CTIF: variants seen among roughly 807,000 people sequenced by gnomAD.
The protein encoded by CTIF is CBP80/20-dependent translation initiation factor.
A neutral mutation model predicts 66.0 loss-of-function variants in CTIF; 21 were observed. The ratio of observed to expected loss-of-function variants is 0.32; its 90% CI spans 0.23 to 0.46. CTIF has a LOEUF of 0.46. Among genes scored for constraint, CTIF ranks in the 20% least tolerant of loss-of-function variants. CTIF has a pLI of 1.00. For synonymous variants in CTIF, 345 were observed against 326.4 expected (o/e 1.06, Z -0.62); for missense variants, 739 against 812.7 (o/e 0.91, Z 1.10).
intron 2 of CTIF, among the ~76,000 whole-genome samples, chr18:48,630,844 T>C (rs547834802): frequency 6.6e-6 from 1 of 151,820 alleles, no homozygotes; most frequent in South Asian, 2.1e-4. Context: ...CCTGGCTAAT[T>C]TTTTTGTATT....
At position 48,579,922 on chromosome 18, in the gene CTIF, C is replaced by T. The variant is rs1464617913; in HGVS notation, c.-28-39616C>T. On this transcript the variant is annotated intron_variant, in intron 1 of 11. Transcript: ENST00000256413. ...ACCCTCTTGGAGACCCTCATCCATT[C>T]GTACAAAAAATGTTCACAAGTTAGA... Among the ~76,000 whole-genome samples, 6 of 152,168 alleles carry T rather than the reference C, an allele frequency of 3.9e-5. No homozygotes were observed. In the East Asian group the frequency reaches 9.6e-4, roughly 24 times the overall value.
chr18:48,695,696 C>T (rs1412271083), intron 6 of CTIF, among the ~76,000 whole-genome samples: 2 of 152,236 alleles, frequency 1.3e-5, no homozygotes, highest in Non-Finnish European at 2.9e-5. Flanking sequence ...TCACTCAGTG[C>T]CTGCCTCCAT....
intron 5 of CTIF, among the ~76,000 whole-genome samples, chr18:48,665,648 C>A (rs753864385): frequency 5.9e-5 from 9 of 152,182 alleles, no homozygotes; most frequent in African/African-American, 1.2e-4. Context: ...CCCATCACCA[C>A]CCCCAGTCCC....
chr18:48,719,101 T>A (rs1180728005), intron 7 of CTIF, among the ~76,000 whole-genome samples: 5 of 152,210 alleles, frequency 3.3e-5, no homozygotes, highest in Non-Finnish European at 7.3e-5. Context: ...GACTTCTCAC[T>A]CTCAATACGA....
At chr18:48,837,547 C>A (rs562791007) in intron 10 of CTIF, among the ~76,000 whole-genome samples, 1 of 152,220 alleles carries the variant, frequency 6.6e-6, no homozygotes, top group Non-Finnish European at 1.5e-5. Context: ...CCAGCCCAAA[C>A]TGAACAAAGG....
chr18:48,542,188 G>A (rs987160057), intron 1 of CTIF, among the ~76,000 whole-genome samples: 1 of 152,210 alleles, frequency 6.6e-6, no homozygotes, highest in Admixed American at 6.5e-5. Context: ...TTATTACCAC[G>A]CATTTAATAA....
In CTIF at chr18:48,780,635, C is replaced by T. The variant is rs540946385; in HGVS notation, c.1371+18946C>T. 3.9e-5 allele frequency among the ~76,000 whole-genome samples: 6 copies of T among 152,128 alleles called. No individual in the cohort carries two copies. The South Asian group carries it at 1.0e-3, about 26-fold the overall frequency. On this transcript the variant is annotated intron_variant, in intron 9 of 11. Transcript: ENST00000256413. ...GGTTCTCTGCCTGATAAAGGGGGAT[C>T]CTTTCATGTAGCATGCATCAAGATG... is the stretch of plus-strand genomic sequence containing the variant.
At chr18:48,540,208 G>A (rs1376399376) in intron 1 of CTIF, 1 of 152,314 alleles carries the variant, frequency 6.6e-6, no homozygotes, top group Non-Finnish European at 1.5e-5. Flanking sequence ...GTGCAATCGG[G>A]CCTGGGGAAT....
At chr18:48,728,859 G>A (rs2092411216) in intron 7 of CTIF, among the ~76,000 whole-genome samples, 1 of 152,190 alleles carries the variant, frequency 6.6e-6, no homozygotes, top group South Asian at 2.1e-4. Flanking sequence ...CAGACTAACC[G>A]TGATGTGGCA....
chr18:48,652,380 C>A (rs556120769), intron 3 of CTIF, among the ~76,000 whole-genome samples: 2 of 152,208 alleles, frequency 1.3e-5, no homozygotes, highest in African/African-American at 4.8e-5. Context: ...ACTAGAAAAT[C>A]TAGAAGAAAT....
chr18:48,552,617 G>C (rs2088911693), intron 1 of CTIF, among the ~76,000 whole-genome samples: 1 of 152,132 alleles, frequency 6.6e-6, no homozygotes, highest in Non-Finnish European at 1.5e-5. Context: ...ATGAGGCTCT[G>C]CCCTCATGAC....
intron 3 of CTIF, among the ~76,000 whole-genome samples, chr18:48,639,455 G>C (rs572578027): frequency 1.3e-5 from 2 of 152,198 alleles, no homozygotes; most frequent in African/African-American, 4.8e-5. Flanking sequence ...CTGGAGTTCA[G>C]AAACCTGGGC....
chr18:48,764,165 T>C (rs908256040), intron 9 of CTIF, among the ~76,000 whole-genome samples: 3 of 152,162 alleles, frequency 2.0e-5, no homozygotes, highest in Non-Finnish European at 2.9e-5. Context: ...GGCCCCACTT[T>C]CCAGGAAACA....
chr18:48,664,327 G>A (rs2091397529), intron 4 of CTIF, 120 bp from the exon 5 acceptor site: 1 of 830,276 alleles, frequency 1.2e-6, no homozygotes, highest in African/African-American at 1.7e-5. Flanking sequence ...CTCCCCGCCT[G>A]GCCCCTGGCG....
intron 8 of CTIF, among the ~76,000 whole-genome samples, chr18:48,759,592 A>G (rs1908755430): frequency 6.6e-6 from 1 of 152,158 alleles, no homozygotes; most frequent in South Asian, 2.1e-4. Context: ...CTTTGACTGG[A>G]TGGGTGGTCT....
intron 1 of CTIF, among the ~76,000 whole-genome samples, chr18:48,548,130 T>G (rs1386710189): frequency 6.6e-6 from 1 of 152,176 alleles, no homozygotes; most frequent in Non-Finnish European, 1.5e-5. Context: ...CTAACTGTAG[T>G]TATGACAATT....
At chr18:48,677,914 T>A (rs2091661337) in intron 6 of CTIF, among the ~76,000 whole-genome samples, 1 of 152,210 alleles carries the variant, frequency 6.6e-6, no homozygotes, top group Non-Finnish European at 1.5e-5. Context: ...GCGGGCTGCA[T>A]ATACTATCTC....
Position 48,863,197 on chromosome 18 carries a change from A to ACAAC in CTIF, c.*3640_*3641insACCA, listed in dbSNP as rs970431841. The ACAAC allele has an allele frequency of 6.6e-6, 1 of 150,932 alleles. No homozygotes were observed. Among genetic ancestry groups the ACAAC allele is most frequent in the Non-Finnish European group, 1.5e-5 (1 of 67,598 alleles). The allele number at this position is 150,932 out of a possible 1,614,324, so 9.3% of individuals were successfully genotyped here. ...ACTACAAGTGGGTTTAAAAAAATAA[A>ACAAC]CACCACCACCAAAAACAAAATGCCC... On this transcript the variant is annotated 3_prime_UTR_variant, in exon 12 of 12. Transcript: ENST00000256413.
chr18:48,626,648 T>C (rs1393378771), intron 2 of CTIF, among the ~76,000 whole-genome samples: 7 of 129,952 alleles, frequency 5.4e-5, no homozygotes, highest in African/African-American at 2.4e-4. Flanking sequence ...CCTGGCCGTT[T>C]TTTTTTTGTT....
Sources: allele counts gnomAD v4.1 joint callset (sites outside exome capture counted in the v4.1 genomes callset), GRCh38; gene constraint gnomAD v4.1.1; transcripts MANE v1.5; gene names NCBI Gene and HGNC (gene_info 2026-07-23, HGNC 2026-07-21).